The following SIK3 variants were observed in gnomAD, a reference collection of about 807,000 sequenced individuals.
SIK3 encodes the protein serine/threonine-protein kinase SIK3.
A neutral mutation model predicts 144.2 loss-of-function variants in SIK3; 28 were observed. That is an observed-to-expected ratio of 0.19 (90% CI 0.14 to 0.27). SIK3 has a LOEUF of 0.27. Among genes scored for constraint, SIK3 ranks in the 10% least tolerant of loss-of-function variants. The probability of loss-of-function intolerance (pLI) is 1.00; values close to 1 mark genes in which losing one functional copy is unlikely to be tolerated. For synonymous variants in SIK3, 686 were observed against 676.3 expected, an observed-to-expected ratio of 1.01 and a Z score of -0.22; for missense variants, 1,319 against 1,776.0, an observed-to-expected ratio of 0.74 and a Z score of 4.62.
At chr11:116,924,004 G>A (rs368176972) in intron 4 of SIK3, among the ~76,000 whole-genome samples, 13 of 152,248 alleles carry the variant, frequency 8.5e-5, no homozygotes, top group South Asian at 2.1e-4. Context: ...CTTAACAGCC[G>A]GGCGTGGTGG....
chr11:116,856,375 T>C (rs1230159117), intron 21 of SIK3, among the ~76,000 whole-genome samples: 1 of 152,180 alleles, frequency 6.6e-6, no homozygotes, highest in African/African-American at 2.4e-5. Context: ...AGAGTTCTTA[T>C]AAAGGTCTTC....
chr11:116,945,398 T>TC, intron 3 of SIK3, among the ~76,000 whole-genome samples: 1 of 146,072 alleles, frequency 6.8e-6, no homozygotes, highest in African/African-American at 2.6e-5. Context: ...TTTTTTTTTT[T>TC]TTTTTTAAAT....
chr11:116,933,341 A>C (rs982839580), intron 3 of SIK3, among the ~76,000 whole-genome samples: 1 of 151,890 alleles, frequency 6.6e-6, no homozygotes, highest in Non-Finnish European at 1.5e-5. Context: ...GGGTTTCACC[A>C]TATTGGCCAG....
intron 1 of SIK3, among the ~76,000 whole-genome samples, chr11:117,009,659 T>C (rs999452295): frequency 6.6e-6 from 1 of 152,218 alleles, no homozygotes; most frequent in Non-Finnish European, 1.5e-5. Context: ...ACAATTACTT[T>C]ATAGGCCACC....
At chr11:117,004,281 G>A (rs534354016) in intron 1 of SIK3, among the ~76,000 whole-genome samples, 5 of 152,276 alleles carry the variant, frequency 3.3e-5, no homozygotes, top group East Asian at 3.9e-4. Context: ...TTGCGAGGCC[G>A]AGGTGGGCAG....
At position 116,844,169 on chromosome 11, in the gene SIK3, T is replaced by G. The variant is rs563449020; in HGVS notation, c.*1474A>C. The G allele has an allele frequency of 2.6e-5, 4 of 152,254 alleles. No individual in the cohort carries two copies. The highest frequency in any genetic ancestry group is 9.6e-5 in the African/African-American group (4 of 41,542). 9.4% of individuals were successfully genotyped at this position (152,254 alleles called of 1,614,324 possible). On this transcript the variant is annotated 3_prime_UTR_variant, in exon 25 of 25. Transcript: ENST00000445177. ...TCAGCCCCAGCCAGCAGAGAAGACT[T>G]TGGTTTCTAACAATGAAGAGAAATA...
At chr11:116,930,712 A>G (rs1409645628) in intron 3 of SIK3, among the ~76,000 whole-genome samples, 3 of 152,064 alleles carry the variant, frequency 2.0e-5, no homozygotes, top group Non-Finnish European at 4.4e-5. Context: ...AATACTACCC[A>G]TATCCTCATC....
chr11:116,873,378 A>C, intron 13 of SIK3, 103 bp downstream of exon 13: 1 of 1,490,948 alleles, frequency 6.7e-7, no homozygotes. Flanking sequence ...GAGAAAAAGG[A>C]AATTCAGACA....
rs1485971413 is a variant in SIK3, at chr11:117,013,907, G to GTGTGTGTGTGTGTGTGTGTGTGTAT, written c.274-56844_274-56843insATACACACACACACACACACACACA. Among the ~76,000 whole-genome samples the GTGTGTGTGTGTGTGTGTGTGTGTAT allele has an allele frequency of 2.7e-4, 12 of 44,904 alleles. 1 individual carries two copies. Among genetic ancestry groups the GTGTGTGTGTGTGTGTGTGTGTGTAT allele is most frequent in the South Asian group, 7.1e-4 (1 of 1,402 alleles). 29.5% of individuals were successfully genotyped at this position (44,904 alleles called of 152,430 possible). On this transcript the variant is annotated intron_variant, in intron 1 of 24. Transcript: ENST00000445177. ...TAAGTCTCCAGATTCTGAGGGGGGG[G>GTGTGTGTGTGTGTGTGTGTGTGTAT]GGGGGAGGGTGTGTGTGTGTGTGTG... is the stretch of plus-strand genomic sequence containing the variant.
intron 4 of SIK3, among the ~76,000 whole-genome samples, chr11:116,914,992 A>C (rs982263609): frequency 1.3e-5 from 2 of 152,224 alleles, no homozygotes; most frequent in Non-Finnish European, 2.9e-5. Context: ...AAATTAATTT[A>C]AAAGTTCACT....
At chr11:117,013,902 G>GTGTGTGTGTGTGTGTGTGTGTGT (rs1565556479) in intron 1 of SIK3, among the ~76,000 whole-genome samples, 1 of 60,910 alleles carries the variant, frequency 1.6e-5, no homozygotes, top group African/African-American at 5.6e-5. Flanking sequence ...GATTCTGAGG[G>GTGTGTGTGTGTGTGTGTGTGTGT]GGGGGGGGGG....
intron 4 of SIK3, among the ~76,000 whole-genome samples, chr11:116,922,978 G>A (rs185269654): frequency 7.3e-4 from 100 of 137,378 alleles, no homozygotes; most frequent in Non-Finnish European, 1.1e-3. Flanking sequence ...GTGCAATGGC[G>A]TGATCTCAGC....
At chr11:116,903,877 C>T (rs1295693853) in intron 4 of SIK3, among the ~76,000 whole-genome samples, 1 of 152,216 alleles carries the variant, frequency 6.6e-6, no homozygotes, top group African/African-American at 2.4e-5. Flanking sequence ...ACAGCCACTG[C>T]ACCAAGCCAA....
intron 6 of SIK3, among the ~76,000 whole-genome samples, chr11:116,894,222 G>GT (rs758156697): frequency 6.6e-6 from 1 of 152,046 alleles, no homozygotes; most frequent in Non-Finnish European, 1.5e-5. Flanking sequence ...CTAAATAGCG[G>GT]TATGTTCCAG....
chr11:117,047,196 T>G (rs1953008806), intron 1 of SIK3, among the ~76,000 whole-genome samples: 1 of 152,140 alleles, frequency 6.6e-6, no homozygotes, highest in African/African-American at 2.4e-5. Flanking sequence ...TGTTACAAAT[T>G]TTGAGAACTA....
intron 1 of SIK3, among the ~76,000 whole-genome samples, chr11:117,066,015 G>A (rs1206909605): frequency 6.6e-6 from 1 of 150,564 alleles, no homozygotes; most frequent in Non-Finnish European, 1.5e-5. Flanking sequence ...AATTCCTGGT[G>A]TCTTATGCCA....
At chr11:117,058,831 C>T (rs1953667203) in intron 1 of SIK3, among the ~76,000 whole-genome samples, 1 of 152,194 alleles carries the variant, frequency 6.6e-6, no homozygotes. Flanking sequence ...ATCATTTCTT[C>T]AGGCCCTAGA....
chr11:116,928,646 G>C (rs1182063868), intron 3 of SIK3, among the ~76,000 whole-genome samples: 1 of 152,150 alleles, frequency 6.6e-6, no homozygotes, highest in African/African-American at 2.4e-5. Context: ...GGCAAGAAAT[G>C]GTAGGGGAGA....
intron 1 of SIK3, among the ~76,000 whole-genome samples, chr11:117,042,192 A>G (rs1293095854): frequency 6.6e-6 from 1 of 152,166 alleles, no homozygotes; most frequent in Non-Finnish European, 1.5e-5. Flanking sequence ...GACACTGCCC[A>G]TTCTGCCAAA....
Sources: allele counts gnomAD v4.1 joint callset (sites outside exome capture counted in the v4.1 genomes callset), GRCh38; gene constraint gnomAD v4.1.1; transcripts MANE v1.5; gene names NCBI Gene and HGNC (gene_info 2026-07-23, HGNC 2026-07-21).